The following TMEM192 variants were observed in gnomAD, a reference collection of about 807,000 sequenced individuals.
TMEM192 encodes the protein transmembrane protein 192.
Under a neutral mutation model 26.7 loss-of-function variants are expected in TMEM192, and 20 were observed. That is an observed-to-expected ratio of 0.75 (90% CI 0.53 to 1.09). TMEM192 has a LOEUF of 1.09. TMEM192 is among the 50% of genes least tolerant of loss of function. TMEM192 has a pLI of 0.00. For missense variants in TMEM192, 304 were observed against 322.6 expected (o/e 0.94, Z 0.44); for synonymous variants, 124 against 121.0 (o/e 1.02, Z -0.16).
intron 1 of TMEM192, among the ~76,000 whole-genome samples, chr4:165,111,193 G>C (rs865943025): frequency 6.6e-6 from 1 of 152,128 alleles, no homozygotes. Flanking sequence ...TCTGCCTTCC[G>C]GGTTCAAGCG....
chr4:165,101,617 G>A (rs1735040694), intron 2 of TMEM192, among the ~76,000 whole-genome samples: 1 of 152,144 alleles, frequency 6.6e-6, no homozygotes, highest in African/African-American at 2.4e-5. Context: ...TAAAAGGAAA[G>A]AAGAAAAAGA....
chr4:165,097,569 C>CT (rs574785092), intron 3 of TMEM192, among the ~76,000 whole-genome samples: 19,554 of 107,866 alleles, frequency 0.18, 3,616 homozygotes, highest in African/African-American at 0.48. Context: ...TCTGTGGAGC[C>CT]TTTTTTTTTT....
rs34384682 is a variant in TMEM192, at chr4:165,086,418, C to CTT, written c.575-732_575-731dup. ...TGGTGTGTCATGCAAGGCATTTACA[C>CTT]TTTTTTTTTTTTTTTTTTTGAGACG... On this transcript the variant is annotated intron_variant, in intron 4 of 5. Coordinates refer to ENST00000306480, the MANE Select transcript of TMEM192 (RefSeq NM_001100389.2). Among the ~76,000 whole-genome samples the CTT allele has an allele frequency of 5.9e-4, 73 of 123,262 alleles. 1 individual carries two copies. In the South Asian group the frequency reaches 7.9e-3, roughly 13 times the overall value. The allele number at this position is 123,262 out of a possible 152,430, so 80.9% of individuals were successfully genotyped here. A position where few individuals can be genotyped will look rare whatever the true frequency, so the allele number is the denominator to read the frequency against.
chr4:165,102,820 C>A, intron 2 of TMEM192, 130 bp downstream of exon 2: 2 of 624,944 alleles, frequency 3.2e-6, no homozygotes, highest in South Asian at 5.4e-5. Context: ...ACACAGCACT[C>A]AGGATGTCCT....
chr4:165,071,436 C>T lies in TMEM192; in HGVS notation c.*8222G>A, dbSNP rs912121356. 6.6e-6 allele frequency: 1 copy of T among 152,168 alleles called. No homozygotes were observed. Among genetic ancestry groups the T allele is most frequent in the Non-Finnish European group, 1.5e-5 (1 of 68,186 alleles). The allele number at this position is 152,168 out of a possible 1,614,324, so 9.4% of individuals were successfully genotyped here. A position where few individuals can be genotyped will look rare whatever the true frequency, so the allele number is the denominator to read the frequency against. ...CCTCCTGAATAGCTGGGATTACAGACACGTGCCACCACGCCTGGCTAATTT... is the reference window on the plus strand; with the variant it reads ...CCTCCTGAATAGCTGGGATTACAGATACGTGCCACCACGCCTGGCTAATTT... On this transcript the variant is annotated 3_prime_UTR_variant, in exon 6 of 6. Coordinates refer to ENST00000306480, the MANE Select transcript of TMEM192 (RefSeq NM_001100389.2).
Position 165,085,651 on chromosome 4 carries a change from A to T in TMEM192, c.612T>A (p.Pro204=). The T allele has an allele frequency of 3.1e-6, 5 of 1,612,326 alleles. No homozygotes were observed. The highest frequency in any genetic ancestry group is 4.2e-6 in the Non-Finnish European group (5 of 1,179,314). ...IRRFNKAKPE[P]DILEEEKIYA... ...AGATTTTTTCTTCTTCAAGTATATCAGGCTCTGGTTTAGCTTTATTAAATC... is the reference window on the plus strand; with the variant it reads ...AGATTTTTTCTTCTTCAAGTATATCTGGCTCTGGTTTAGCTTTATTAAATC... The change falls in exon 5 of 6, where the codon CCT becomes CCA. Residue 204 remains proline (P), a synonymous_variant. Transcript: ENST00000306480.
intron 3 of TMEM192, among the ~76,000 whole-genome samples, chr4:165,092,102 T>A (rs1398747781): frequency 6.8e-6 from 1 of 146,590 alleles, no homozygotes; most frequent in Non-Finnish European, 1.5e-5. Flanking sequence ...TGTTCTTTCT[T>A]AATGCTGTTC....
intron 3 of TMEM192, among the ~76,000 whole-genome samples, chr4:165,096,278 C>T (rs6536889): frequency 0.33 from 50,177 of 151,650 alleles, 10,224 homozygotes; most frequent in African/African-American, 0.58. Flanking sequence ...TGTGGTGGTG[C>T]GTGCCTGTAG....
rs758249308 is a variant in TMEM192, at chr4:165,071,302, T to TG, written c.*8355dup. The TG allele has an allele frequency of 9.0e-3, 1,319 of 146,738 alleles. 19 individuals carry two copies. Among genetic ancestry groups the TG allele is most frequent in the East Asian group, 0.083 (417 of 5,050 alleles). 9.1% of individuals were successfully genotyped at this position (146,738 alleles called of 1,614,324 possible). ...CTGAAGTGGGAGGATTTTTTTTTTT[T>TG]GGGGGGGGGACGGATTCTCACTCTT... On this transcript the variant is annotated 3_prime_UTR_variant, in exon 6 of 6. Transcript: ENST00000306480.
Position 165,078,153 on chromosome 4 carries a change from G to A in TMEM192, c.*1505C>T, listed in dbSNP as rs11731682. On this transcript the variant is annotated 3_prime_UTR_variant, in exon 6 of 6. Coordinates refer to ENST00000306480, the MANE Select transcript of TMEM192 (RefSeq NM_001100389.2). The stretch of plus-strand genomic sequence containing the variant: ...AGAAACAGGTATTTGCCCTCCATAA[G>A]TCAAATAGATGTGGCCAAATCAATA... 0.87 allele frequency: 132,578 copies of A among 152,142 alleles called. 58,482 individuals are homozygous for A. The highest frequency in any genetic ancestry group is 0.97 in the East Asian group (4,995 of 5,176). The allele number at this position is 152,142 out of a possible 1,614,324, so 9.4% of individuals were successfully genotyped here.
rs750747805 is a variant in TMEM192 at position 165,079,727 on chromosome 4, A to G, written c.747T>C (p.Asn249=). 28 of 1,614,072 alleles carry G rather than the reference A, an allele frequency of 1.7e-5. 1 individual carries two copies. In the South Asian group the frequency reaches 3.0e-4, roughly 17 times the overall value. ...GDTIEYLKRH[N]ALLSKRLLAL... The stretch of plus-strand genomic sequence containing the variant: ...CCAACAATCGCTTACTCAGCAGCGC[A>G]TTGTGTCGCTTCAGGTATTCAATGG... Residue 249 remains asparagine (N), a synonymous_variant, in exon 6 of 6, where the codon AAT becomes AAC. Coordinates refer to ENST00000306480, the MANE Select transcript of TMEM192 (RefSeq NM_001100389.2).
chr4:165,085,713 A>T, intron 4 of TMEM192, 25 bp from the exon 5 acceptor site: 1 of 1,481,126 alleles, frequency 6.8e-7, no homozygotes, highest in East Asian at 2.3e-5. Flanking sequence ...TCATTATTAG[A>T]TCGAATTCTG....
intron 2 of TMEM192, among the ~76,000 whole-genome samples, 164 bp downstream of exon 2, chr4:165,102,784 CTT>C (rs11315804): frequency 0.13 from 16,580 of 130,748 alleles, 948 homozygotes; most frequent in East Asian, 0.29. Flanking sequence ...AGTGTACGTA[CTT>C]TTTTTTTTTT....
At position 165,076,735 on chromosome 4, in the gene TMEM192, A is replaced by T. The variant is rs1430101042; in HGVS notation, c.*2923T>A. On this transcript the variant is annotated 3_prime_UTR_variant, in exon 6 of 6. Coordinates refer to ENST00000306480, the MANE Select transcript of TMEM192 (RefSeq NM_001100389.2). ...CTTTAATTTTTGTATCCTCAGTGCT[A>T]GCACAATTACCAGCCTGGTGAATAG... 6.6e-6 allele frequency: 1 copy of T among 152,218 alleles called. No individual in the cohort carries two copies. Among genetic ancestry groups the T allele is most frequent in the African/African-American group, 2.4e-5 (1 of 41,462 alleles). The allele number at this position is 152,218 out of a possible 1,614,324, so 9.4% of individuals were successfully genotyped here. A position where few individuals can be genotyped will look rare whatever the true frequency, so the allele number is the denominator to read the frequency against.
chr4:165,112,778 C>G lies in TMEM192; in HGVS notation c.-5G>C. ...CATCCTGCCCCCCGCCGCCATTTCC[C>G]GACGCCGGAGGCCGAAGCCCTGGCC... On this transcript the variant is annotated 5_prime_UTR_variant, in exon 1 of 6. Coordinates refer to ENST00000306480, the MANE Select transcript of TMEM192 (RefSeq NM_001100389.2). 6.2e-7 allele frequency: 1 copy of G among 1,607,474 alleles called. No homozygotes were observed.
At chr4:165,095,737 A>G (rs1734878388) in intron 3 of TMEM192, among the ~76,000 whole-genome samples, 1 of 152,108 alleles carries the variant, frequency 6.6e-6, no homozygotes, top group African/African-American at 2.4e-5. Context: ...AAAAGCCCCA[A>G]ATATGCAACT....
chr4:165,085,546 G>A (rs1172055208), intron 5 of TMEM192, 40 bp downstream of exon 5: 6 of 1,352,690 alleles, frequency 4.4e-6, no homozygotes, highest in Non-Finnish European at 6.2e-6. Flanking sequence ...AGCTTTCTAG[G>A]GGAAAAAACT....
At chr4:165,102,372 C>G (rs942084598) in intron 2 of TMEM192, among the ~76,000 whole-genome samples, 34 of 152,104 alleles carry the variant, frequency 2.2e-4, no homozygotes, top group African/African-American at 8.0e-4. Flanking sequence ...GTCTCTTCCA[C>G]CAAGACCCTC....
chr4:165,092,112 C>CTTTTTTTTTTTTTTTTTTT (rs35641833), intron 3 of TMEM192, among the ~76,000 whole-genome samples: 2 of 72,074 alleles, frequency 2.8e-5, no homozygotes, highest in African/African-American at 6.7e-5. Flanking sequence ...TAATGCTGTT[C>CTTTTTTTTTTTTTTTTTTT]TTTTTTTTTT....
Sources: allele counts gnomAD v4.1 joint callset (sites outside exome capture counted in the v4.1 genomes callset), GRCh38; gene constraint gnomAD v4.1.1; transcripts MANE v1.5; gene names NCBI Gene and HGNC (gene_info 2026-07-23, HGNC 2026-07-21).